Variants in FAM53B observed in about 807,000 individuals in gnomAD.
FAM53B encodes the protein protein FAM53B.
FAM53B carries 12 observed loss-of-function variants against 32.7 expected under a neutral mutation model. The ratio of observed to expected loss-of-function variants is 0.37; its 90% CI spans 0.24 to 0.59. FAM53B has a LOEUF of 0.59. Among genes scored for constraint, FAM53B ranks in the 20% least tolerant of loss-of-function variants. The probability of loss-of-function intolerance (pLI) is 0.72; values close to 1 mark genes in which losing one functional copy is unlikely to be tolerated. For missense variants in FAM53B, 477 were observed against 577.7 expected (o/e 0.83, Z 1.79); for synonymous variants, 234 against 228.7 (o/e 1.02, Z -0.21).
chr10:124,665,236 A>G (rs1949661791), intron 4 of FAM53B, among the ~76,000 whole-genome samples: 1 of 152,154 alleles, frequency 6.6e-6, no homozygotes, highest in Admixed American at 6.5e-5. Flanking sequence ...TACTGCCCCA[A>G]ACTTGTCTAT....
chr10:124,641,300 G>A (rs748927512), intron 4 of FAM53B, among the ~76,000 whole-genome samples: 3 of 152,220 alleles, frequency 2.0e-5, no homozygotes, highest in Non-Finnish European at 4.4e-5. Flanking sequence ...TGAGCCCCCA[G>A]TAACCCTTCC....
intron 1 of FAM53B, among the ~76,000 whole-genome samples, chr10:124,727,334 G>A (rs1222764300): frequency 1.5e-5 from 2 of 131,320 alleles, no homozygotes; most frequent in Non-Finnish European, 3.4e-5. Flanking sequence ...TGATTGTGGG[G>A]GGGGGGGGGG....
intron 4 of FAM53B, among the ~76,000 whole-genome samples, chr10:124,636,711 G>A (rs1249732599): frequency 6.6e-6 from 1 of 152,040 alleles, no homozygotes; most frequent in East Asian, 1.9e-4. Context: ...GTTAGAGGAG[G>A]CTGCCTGTTT....
rs538988113 is a variant in FAM53B at position 124,702,189 on chromosome 10, G to A, written c.78+4447C>T. Reference sequence around the variant, plus strand: ...AGTGGCCTATGCTGATACCAGTCCCGGCCTCCCCCACAGTCATGCTTTCCT... The same window carrying A: ...AGTGGCCTATGCTGATACCAGTCCCAGCCTCCCCCACAGTCATGCTTTCCT... On this transcript the variant is annotated intron_variant, in intron 2 of 4. Coordinates refer to ENST00000337318, the MANE Select transcript of FAM53B (RefSeq NM_014661.4). 1.2e-3 allele frequency among the ~76,000 whole-genome samples: 180 copies of A among 152,276 alleles called. 3 individuals are homozygous for A. In the South Asian group the frequency reaches 0.023, roughly 19 times the overall value.
chr10:124,732,838 A>T (rs1950152998), intron 1 of FAM53B, among the ~76,000 whole-genome samples: 1 of 152,106 alleles, frequency 6.6e-6, no homozygotes, highest in Non-Finnish European at 1.5e-5. Context: ...ACAAAAAAAA[A>T]AAAAAATCTT....
chr10:124,641,768 T>C (rs950887697), intron 4 of FAM53B, among the ~76,000 whole-genome samples: 3 of 152,126 alleles, frequency 2.0e-5, no homozygotes, highest in African/African-American at 7.2e-5. Flanking sequence ...CGGTCCCAGG[T>C]GTCAACAGGT....
intron 1 of FAM53B, among the ~76,000 whole-genome samples, chr10:124,736,960 G>A (rs965807456): frequency 3.9e-5 from 6 of 152,236 alleles, no homozygotes; most frequent in Non-Finnish European, 7.3e-5. Flanking sequence ...AAGCAGCAGG[G>A]TGTGGTAGAA....
chr10:124,710,786 T>C (rs554940881), intron 1 of FAM53B, among the ~76,000 whole-genome samples: 41 of 152,240 alleles, frequency 2.7e-4, no homozygotes, highest in African/African-American at 6.7e-4. Context: ...ACAAGCCAGA[T>C]TGAATTATCC....
At chr10:124,711,068 T>C (rs1380146310) in intron 1 of FAM53B, among the ~76,000 whole-genome samples, 1 of 152,138 alleles carries the variant, frequency 6.6e-6, no homozygotes. Flanking sequence ...CCACAGACGC[T>C]TTGCTGGGTG....
chr10:124,659,358 C>A (rs900526873), intron 4 of FAM53B, among the ~76,000 whole-genome samples: 2 of 152,254 alleles, frequency 1.3e-5, no homozygotes, highest in Admixed American at 6.5e-5. Flanking sequence ...TTCCTCCTTG[C>A]CCCTCATCTT....
chr10:124,743,843 A>AG (rs1467849313), intron 1 of FAM53B, among the ~76,000 whole-genome samples, 170 bp downstream of exon 1: 11 of 151,926 alleles, frequency 7.2e-5, no homozygotes, highest in Non-Finnish European at 1.3e-4. Context: ...GAAACAAGGC[A>AG]GAAAAAAAGG....
intron 4 of FAM53B, among the ~76,000 whole-genome samples, chr10:124,669,208 T>C (rs190558912): frequency 6.6e-6 from 1 of 152,380 alleles, no homozygotes; most frequent in Non-Finnish European, 1.5e-5. Flanking sequence ...ACATTCTGGA[T>C]GTGTCCACTT....
At chr10:124,666,204 T>C (rs1238166726) in intron 4 of FAM53B, among the ~76,000 whole-genome samples, 1 of 152,244 alleles carries the variant, frequency 6.6e-6, no homozygotes, top group African/African-American at 2.4e-5. Flanking sequence ...CCCAGAAGGG[T>C]GGGGCAAACC....
At chr10:124,725,910 CCA>C (rs1381517390) in intron 1 of FAM53B, among the ~76,000 whole-genome samples, 2 of 152,134 alleles carry the variant, frequency 1.3e-5, no homozygotes, top group African/African-American at 4.8e-5. Flanking sequence ...CAGCCAAGAC[CCA>C]CACAGGCCAA....
At chr10:124,660,454 C>T (rs907754564) in intron 4 of FAM53B, among the ~76,000 whole-genome samples, 6 of 152,200 alleles carry the variant, frequency 3.9e-5, no homozygotes, top group African/African-American at 1.4e-4. Flanking sequence ...ATACAACTCA[C>T]CCTGATACCA....
intron 1 of FAM53B, among the ~76,000 whole-genome samples, chr10:124,724,964 C>T (rs908373001): frequency 2.6e-5 from 4 of 152,220 alleles, no homozygotes; most frequent in African/African-American, 9.6e-5. Flanking sequence ...AGGCAGAGTA[C>T]TGGGACAAGG....
rs140442850 is a variant in FAM53B at position 124,623,358 on chromosome 10, C to T, written c.1153G>A (p.Glu385Lys). 6.3e-5 allele frequency: 102 copies of T among 1,612,540 alleles called. No individual in the cohort carries two copies. The highest frequency in any genetic ancestry group is 1.1e-4 in the South Asian group (10 of 91,090). Residue 385 changes from glutamate to lysine, a missense_variant, in exon 5 of 5, where the codon GAG becomes AAG. Glu to Lys is a moderately conservative substitution (Grantham distance 56, BLOSUM62 1). Around this residue, in one of 2 missense-constraint regions of FAM53B, gnomAD observed 165 missense variants for 157.5 expected, o/e 1.05. Coordinates refer to ENST00000337318, the MANE Select transcript of FAM53B (RefSeq NM_014661.4). ...GGCTCCGCTCTCCTGCCACAATCCT[C>T]GTCCAGGGCGCAGCTGTCTGACTCC... ...CEESDSCALD[E>K]DCGRRAEPAA...
At chr10:124,698,737 G>A (rs969821519) in intron 2 of FAM53B, among the ~76,000 whole-genome samples, 1 of 151,608 alleles carries the variant, frequency 6.6e-6, no homozygotes, top group African/African-American at 2.4e-5. Flanking sequence ...CCTCCTAACC[G>A]CTCTTACAGC....
intron 3 of FAM53B, among the ~76,000 whole-genome samples, chr10:124,693,694 CTCCTTAAATCCTCACAACT>C (rs1949850135): frequency 6.6e-6 from 1 of 152,154 alleles, no homozygotes; most frequent in African/African-American, 2.4e-5. Context: ...GTGTGGCCGT[CTCCTTAAATCCTCACAACT>C]TGCAAACTGA....
Sources: allele counts gnomAD v4.1 joint callset (sites outside exome capture counted in the v4.1 genomes callset), GRCh38; gene constraint gnomAD v4.1.1; regional missense constraint gnomAD v4.1.1; transcripts MANE v1.5; gene names NCBI Gene and HGNC (gene_info 2026-07-23, HGNC 2026-07-21).